The following RSBN1L variants were observed in gnomAD, a reference collection of about 807,000 sequenced individuals.
The protein encoded by RSBN1L is round spermatid basic protein 1 like, also known as lysine-specific demethylase RSBN1L.
A neutral mutation model predicts 67.7 loss-of-function variants in RSBN1L; 30 were observed. The observed-to-expected ratio is 0.44, with a 90% CI of 0.33 to 0.60. The LOEUF (loss-of-function observed/expected upper bound fraction) is 0.60. Ranked by LOEUF, RSBN1L falls within the 20% of genes least tolerant of loss-of-function variation. The pLI is 0.02. For missense variants in RSBN1L, 992 were observed against 1,031.7 expected (o/e 0.96, Z 0.53); for synonymous variants, 433 against 387.0 (o/e 1.12, Z -1.39).
intron 3 of RSBN1L, among the ~76,000 whole-genome samples, chr7:77,758,109 A>C (rs895107000): frequency 2.6e-5 from 4 of 152,166 alleles, no homozygotes; most frequent in Non-Finnish European, 5.9e-5. Flanking sequence ...TTAATCGATA[A>C]AAGAGTATAT....
chr7:77,718,527 G>A (rs1791076881), intron 1 of RSBN1L, among the ~76,000 whole-genome samples: 1 of 152,100 alleles, frequency 6.6e-6, no homozygotes. Flanking sequence ...CTGGGTTCAA[G>A]CAATCTGCCT....
chr7:77,745,976 T>A (rs752659597), intron 2 of RSBN1L, among the ~76,000 whole-genome samples: 2 of 152,100 alleles, frequency 1.3e-5, no homozygotes, highest in Non-Finnish European at 2.9e-5. Flanking sequence ...GAAGTGGAGC[T>A]CAGGCAGTAA....
intron 1 of RSBN1L, among the ~76,000 whole-genome samples, chr7:77,701,981 GT>G (rs1160538512): frequency 6.8e-6 from 1 of 148,074 alleles, no homozygotes; most frequent in African/African-American, 2.5e-5. Context: ...TTTAGCTTTT[GT>G]TTTTTTGAGA....
chr7:77,751,337 G>A (rs192330802), intron 3 of RSBN1L, among the ~76,000 whole-genome samples: 46 of 152,096 alleles, frequency 3.0e-4, no homozygotes, highest in Middle Eastern at 6.8e-3. Context: ...ACAGGGTTTC[G>A]CTATGTTGGC....
chr7:77,720,878 T>A (rs1562796959), intron 1 of RSBN1L, among the ~76,000 whole-genome samples: 1 of 147,106 alleles, frequency 6.8e-6, no homozygotes, highest in Non-Finnish European at 1.5e-5. Flanking sequence ...TCCCTCAGCC[T>A]CCTGAGTAGC....
chr7:77,732,280 C>T (rs1472318721), intron 1 of RSBN1L, among the ~76,000 whole-genome samples: 1 of 152,060 alleles, frequency 6.6e-6, no homozygotes, highest in Non-Finnish European at 1.5e-5. Context: ...ACAGTGATGC[C>T]ACGGCACTGT....
chr7:77,751,572 C>A (rs1791556939), intron 3 of RSBN1L, among the ~76,000 whole-genome samples: 1 of 152,098 alleles, frequency 6.6e-6, no homozygotes, highest in Non-Finnish European at 1.5e-5. Context: ...TTATAGAAAC[C>A]CAAAATGGTG....
intron 1 of RSBN1L, among the ~76,000 whole-genome samples, chr7:77,703,117 T>G (rs1203353198): frequency 6.6e-6 from 1 of 152,098 alleles, no homozygotes; most frequent in Non-Finnish European, 1.5e-5. Context: ...TTTCATAAGT[T>G]TTTACCTAGT....
chr7:77,739,229 T>A (rs1791376891), intron 2 of RSBN1L, among the ~76,000 whole-genome samples: 1 of 152,220 alleles, frequency 6.6e-6, no homozygotes, highest in South Asian at 2.1e-4. Context: ...TACTTTCATT[T>A]ACTACTGTGT....
Position 77,748,297 on chromosome 7 carries a change from A to G in RSBN1L, c.704-1127A>G, listed in dbSNP as rs193090755. On this transcript the variant is annotated intron_variant, in intron 2 of 7. Coordinates refer to ENST00000334955, the MANE Select transcript of RSBN1L (RefSeq NM_198467.3). The stretch of plus-strand genomic sequence containing the variant: ...GCATCAAGGAATTCAGAAGTAATCA[A>G]GGATGAGCTGGATAATTCTGTCAAA... 4.0e-3 allele frequency among the ~76,000 whole-genome samples: 612 copies of G among 152,336 alleles called. 6 individuals carry two copies. The highest frequency in any genetic ancestry group is 5.4e-3 in the Non-Finnish European group (366 of 68,028).
At chr7:77,763,550 A>G (rs1414899000) in intron 3 of RSBN1L, among the ~76,000 whole-genome samples, 1 of 152,192 alleles carries the variant, frequency 6.6e-6, no homozygotes, top group East Asian at 1.9e-4. Context: ...GCTGCTATTA[A>G]TGCATCTAGA....
At chr7:77,720,578 C>T (rs941767894) in intron 1 of RSBN1L, among the ~76,000 whole-genome samples, 1 of 151,910 alleles carries the variant, frequency 6.6e-6, no homozygotes, top group Non-Finnish European at 1.5e-5. Context: ...TTGCAGAAGA[C>T]AAGTGTTATT....
intron 1 of RSBN1L, among the ~76,000 whole-genome samples, chr7:77,721,227 T>G (rs548746320): frequency 2.0e-4 from 24 of 121,346 alleles, no homozygotes; most frequent in Admixed American, 1.8e-3. Context: ...GGTAATTTTG[T>G]TTTTTTTTTT....
intron 3 of RSBN1L, among the ~76,000 whole-genome samples, chr7:77,763,062 T>C (rs1227793975): frequency 2.0e-5 from 3 of 152,136 alleles, no homozygotes; most frequent in Admixed American, 1.3e-4. Flanking sequence ...GAACTAAATG[T>C]TGTAGGTATC....
At chr7:77,761,004 TA>T (rs2150429904) in intron 3 of RSBN1L, among the ~76,000 whole-genome samples, 1 of 152,378 alleles carries the variant, frequency 6.6e-6, no homozygotes, top group South Asian at 2.1e-4. Flanking sequence ...CTGGTTTGAT[TA>T]ATGTTTACTG....
intron 4 of RSBN1L, 75 bp downstream of exon 4, chr7:77,765,707 A>G (rs1791757669): frequency 3.7e-6 from 4 of 1,071,476 alleles, no homozygotes; most frequent in Non-Finnish European, 1.3e-6. Context: ...AGTAATCTAA[A>G]TTGTGATTGT....
intron 1 of RSBN1L, among the ~76,000 whole-genome samples, chr7:77,709,905 C>T (rs969119767): frequency 2.0e-5 from 3 of 152,104 alleles, no homozygotes; most frequent in South Asian, 2.1e-4. Flanking sequence ...GTAAAATTAA[C>T]GTGTTCAAAA....
chr7:77,709,132 C>T (rs530308739), intron 1 of RSBN1L, among the ~76,000 whole-genome samples: 1 of 149,472 alleles, frequency 6.7e-6, no homozygotes, highest in South Asian at 2.1e-4. Context: ...AATAACTGCT[C>T]GACATAGAAG....
intron 1 of RSBN1L, among the ~76,000 whole-genome samples, chr7:77,715,005 C>T (rs1042926429): frequency 2.0e-5 from 3 of 150,700 alleles, no homozygotes; most frequent in Non-Finnish European, 4.4e-5. Context: ...GATGTGGTGA[C>T]TCATGCTTGT....
Sources: gnomAD v4.1 joint callset for allele counts (sites outside exome capture counted in the v4.1 genomes callset) on GRCh38, gnomAD v4.1.1 for gene constraint, MANE v1.5 for transcripts, NCBI Gene and HGNC (gene_info 2026-07-23, HGNC 2026-07-21) for gene names.